Variants in INO80 observed in about 807,000 individuals in gnomAD.
INO80 encodes the protein INO80 complex ATPase subunit.
In INO80, 20 loss-of-function variants were observed where a neutral mutation model predicts 203.4. The ratio of observed to expected loss-of-function variants is 0.10; its 90% CI spans 0.07 to 0.14. INO80 has a LOEUF of 0.14. INO80 is among the 10% of genes least tolerant of loss of function. The pLI, the probability that INO80 is intolerant of heterozygous loss-of-function variation, is 1.00. For synonymous variants in INO80, 726 were observed against 685.2 expected (o/e 1.06, Z -0.93); for missense variants, 1,419 against 1,914.4 (o/e 0.74, Z 4.83).
chr15:41,032,287 G>C (rs1197018618), intron 24 of INO80, among the ~76,000 whole-genome samples: 1 of 152,148 alleles, frequency 6.6e-6, no homozygotes, highest in Non-Finnish European at 1.5e-5. Context: ...GTCAAATTTA[G>C]ATACAGAGGA....
chr15:41,067,099 C>T (rs1200273536), intron 14 of INO80, among the ~76,000 whole-genome samples: 3 of 151,868 alleles, frequency 2.0e-5, no homozygotes, highest in African/African-American at 4.8e-5. Context: ...CTTTTTGAGA[C>T]GGATTCTCAC....
intron 27 of INO80, among the ~76,000 whole-genome samples, chr15:41,009,998 G>A: frequency 6.6e-6 from 1 of 152,120 alleles, no homozygotes; most frequent in Non-Finnish European, 1.5e-5. Context: ...TCGCTATCCT[G>A]ACTGATAAAG....
At chr15:41,006,168 T>C (rs1052060661) in intron 27 of INO80, among the ~76,000 whole-genome samples, 2 of 152,110 alleles carry the variant, frequency 1.3e-5, no homozygotes, top group African/African-American at 2.4e-5. Context: ...TGCATCACTG[T>C]TATGGGAGGC....
At chr15:41,025,358 C>T (rs1395037557) in intron 25 of INO80, among the ~76,000 whole-genome samples, 1 of 152,112 alleles carries the variant, frequency 6.6e-6, no homozygotes, top group Admixed American at 6.6e-5. Flanking sequence ...AAATGAAGAA[C>T]TTTCAGGTCA....
intron 9 of INO80, among the ~76,000 whole-genome samples, chr15:41,076,584 A>C (rs931387072): frequency 6.6e-6 from 1 of 151,562 alleles, no homozygotes; most frequent in African/African-American, 2.4e-5. Context: ...TCTACAAAAA[A>C]TAAAAAAATT....
intron 24 of INO80, among the ~76,000 whole-genome samples, chr15:41,037,013 G>GA (rs1377495420): frequency 6.6e-6 from 1 of 152,132 alleles, no homozygotes; most frequent in Non-Finnish European, 1.5e-5. Context: ...TGAGGCAAGA[G>GA]AATCGCTCAA....
intron 1 of INO80, 119 bp from the exon 2 acceptor site, chr15:41,096,472 A>C: frequency 1.7e-6 from 1 of 594,098 alleles, no homozygotes; most frequent in Non-Finnish European, 2.6e-6. Flanking sequence ...CACTGAAAAG[A>C]CAGGAGTCTG....
intron 9 of INO80, among the ~76,000 whole-genome samples, chr15:41,077,918 T>G (rs2045429599): frequency 6.7e-6 from 1 of 148,492 alleles, no homozygotes; most frequent in Non-Finnish European, 1.5e-5. Context: ...TTTTTTTTTT[T>G]GAGATGGATT....
Position 40,979,231 on chromosome 15 carries a change from C to T in INO80, c.*992G>A, listed in dbSNP as rs1382887123. ...CTCCACCAGGGACATCAGGCAGGGA[C>T]AGGCAGAAACACCTCCCATGCAAAC... On this transcript the variant is annotated 3_prime_UTR_variant, in exon 36 of 36. Coordinates refer to ENST00000648947, the MANE Select transcript of INO80 (RefSeq NM_017553.3). 6.6e-6 allele frequency: 1 copy of T among 152,642 alleles called. No individual in the cohort carries two copies. The highest frequency in any genetic ancestry group is 2.4e-5 in the African/African-American group (1 of 41,450). 9.5% of individuals were successfully genotyped at this position (152,642 alleles called of 1,614,324 possible).
intron 14 of INO80, among the ~76,000 whole-genome samples, chr15:41,061,378 A>C (rs1251500002): frequency 6.7e-6 from 1 of 149,790 alleles, no homozygotes; most frequent in Non-Finnish European, 1.5e-5. Context: ...AGGCCAAAGC[A>C]GGTGGATCAC....
chr15:41,066,123 C>T (rs573522984), intron 14 of INO80, among the ~76,000 whole-genome samples: 2 of 151,668 alleles, frequency 1.3e-5, no homozygotes, highest in Admixed American at 1.3e-4. Flanking sequence ...GGATTACAGG[C>T]ATGTGCCACC....
chr15:41,088,087 CTTTT>C lies in INO80; in HGVS notation c.538-409_538-406del, dbSNP rs943111352. Among the ~76,000 whole-genome samples, 25 of 101,042 alleles carry C rather than the reference CTTTT, an allele frequency of 2.5e-4. No homozygotes were observed. The South Asian group carries it at 6.2e-3, about 25-fold the overall frequency. The allele number at this position is 101,042 out of a possible 152,430, so 66.3% of individuals were successfully genotyped here. On this transcript the variant is annotated intron_variant, in intron 5 of 35. Transcript: ENST00000648947. The stretch of plus-strand genomic sequence containing the variant: ...ACTAAGGTTCCTCATGCTTGCTTTT[CTTTT>C]TTTTTTTTTTTTTTTTTTGAGACAG...
intron 27 of INO80, among the ~76,000 whole-genome samples, chr15:41,008,181 A>G (rs138124583): frequency 1.7e-3 from 255 of 151,634 alleles, no homozygotes; most frequent in African/African-American, 5.7e-3. Context: ...AAAATAAACA[A>G]ACAAAACAGG....
chr15:41,091,701 C>A (rs1455825122), intron 5 of INO80, among the ~76,000 whole-genome samples: 2 of 132,882 alleles, frequency 1.5e-5, no homozygotes, highest in Non-Finnish European at 1.5e-5. Context: ...TGTCGCCAGG[C>A]TGGAGTGCAG....
At chr15:41,066,024 C>G (rs1389734943) in intron 14 of INO80, among the ~76,000 whole-genome samples, 1 of 140,014 alleles carries the variant, frequency 7.1e-6, no homozygotes, top group African/African-American at 2.7e-5. Context: ...CAGAGTTGTG[C>G]TCTTGTTGCC....
chr15:41,022,191 A>AC (rs1290152867), intron 25 of INO80, among the ~76,000 whole-genome samples: 1 of 152,238 alleles, frequency 6.6e-6, no homozygotes, highest in Non-Finnish European at 1.5e-5. Context: ...GCTCAGAAGA[A>AC]CCCTAAAGCT....
intron 4 of INO80, among the ~76,000 whole-genome samples, chr15:41,094,667 T>C (rs1171491859): frequency 2.6e-5 from 4 of 152,192 alleles, no homozygotes; most frequent in African/African-American, 9.7e-5. Flanking sequence ...CTTATGGAAT[T>C]AATATTCCTG....
intron 30 of INO80, 75 bp downstream of exon 30, chr15:40,987,741 A>T: frequency 7.5e-7 from 1 of 1,327,096 alleles, no homozygotes; most frequent in Non-Finnish European, 1.0e-6. Flanking sequence ...GTTTTAAAAT[A>T]GTCTCAATGC....
chr15:40,987,319 T>C, intron 30 of INO80, 126 bp from the exon 31 acceptor site: 1 of 584,596 alleles, frequency 1.7e-6, no homozygotes, highest in Non-Finnish European at 3.1e-6. Context: ...TATTTCTTCT[T>C]TTCTCCCTTT....
Sources: allele counts gnomAD v4.1 joint callset (sites outside exome capture counted in the v4.1 genomes callset), GRCh38; gene constraint gnomAD v4.1.1; transcripts MANE v1.5; gene names NCBI Gene and HGNC (gene_info 2026-07-23, HGNC 2026-07-21).